The following RAB3C variants were observed in gnomAD, a reference collection of about 807,000 sequenced individuals.
RAB3C encodes the protein ras-related protein Rab-3C.
RAB3C carries 17 observed loss-of-function variants against 26.4 expected under a neutral mutation model. That is an observed-to-expected ratio of 0.64 (90% CI 0.44 to 0.97). RAB3C has a LOEUF of 0.97. Among genes scored for constraint, RAB3C ranks in the 50% least tolerant of loss-of-function variants. RAB3C has a pLI of 0.00. For missense variants in RAB3C, 242 were observed against 281.9 expected (o/e 0.86, Z 1.01); for synonymous variants, 91 against 95.9 (o/e 0.95, Z 0.30).
intron 3 of RAB3C, among the ~76,000 whole-genome samples, chr5:58,801,595 A>G (rs1438552908): frequency 6.6e-6 from 1 of 152,260 alleles, no homozygotes; most frequent in Non-Finnish European, 1.5e-5. Context: ...ATGGATAAGT[A>G]TGAAAATTAT....
At chr5:58,844,546 T>C (rs1421248128) in intron 4 of RAB3C, among the ~76,000 whole-genome samples, 1 of 152,232 alleles carries the variant, frequency 6.6e-6, no homozygotes, top group Non-Finnish European at 1.5e-5. Context: ...CAGTTTGTCC[T>C]GCTGCTCAGC....
At chr5:58,765,417 G>T (rs1346314508) in intron 3 of RAB3C, among the ~76,000 whole-genome samples, 1 of 152,010 alleles carries the variant, frequency 6.6e-6, no homozygotes, top group Non-Finnish European at 1.5e-5. Context: ...TAATTCTGTT[G>T]CCTATTTATG....
chr5:58,724,188 A>C (rs1054871058), intron 2 of RAB3C, among the ~76,000 whole-genome samples: 1 of 151,396 alleles, frequency 6.6e-6, no homozygotes, highest in Non-Finnish European at 1.5e-5. Context: ...AAAAGCTAGT[A>C]CTTGCCATTT....
chr5:58,842,887 A>G (rs1196508913), intron 4 of RAB3C, among the ~76,000 whole-genome samples: 1 of 151,600 alleles, frequency 6.6e-6, no homozygotes, highest in Non-Finnish European at 1.5e-5. Context: ...GGCAGATATT[A>G]GTACATATTA....
chr5:58,799,950 C>T (rs1304956683), intron 3 of RAB3C, among the ~76,000 whole-genome samples: 2 of 152,124 alleles, frequency 1.3e-5, no homozygotes, highest in East Asian at 3.8e-4. Flanking sequence ...AGTTGACTCC[C>T]TTTCTTCAAA....
At chr5:58,685,319 T>A (rs1445238608) in intron 2 of RAB3C, among the ~76,000 whole-genome samples, 4 of 152,098 alleles carry the variant, frequency 2.6e-5, no homozygotes, top group Admixed American at 1.3e-4. Flanking sequence ...CCAGGAAGAA[T>A]CTCCTGTCTT....
rs532361072 is a variant in RAB3C, at chr5:58,839,388, G to C, written c.497-11776G>C. 3.5e-3 allele frequency among the ~76,000 whole-genome samples: 396 copies of C among 111,766 alleles called. 3 individuals are homozygous for C. The highest frequency in any genetic ancestry group is 0.014 in the African/African-American group (356 of 25,868). The allele number at this position is 111,766 out of a possible 152,430, so 73.3% of individuals were successfully genotyped here. On this transcript the variant is annotated intron_variant, in intron 4 of 4. Coordinates refer to ENST00000282878, the MANE Select transcript of RAB3C (RefSeq NM_138453.4). ...TTATTTATTTATTTATTTATTTTTT[G>C]AGACAGAGTTTTGCTGTTGTTGCCC...
rs145819691 is a variant in RAB3C at position 58,641,865 on chromosome 5, AAG to A, written c.252+23998_252+23999del. On this transcript the variant is annotated intron_variant, in intron 2 of 4. Coordinates refer to ENST00000282878, the MANE Select transcript of RAB3C (RefSeq NM_138453.4). The stretch of plus-strand genomic sequence containing the variant: ...TTTTTCTCCACTTTTTGTTTTAAAA[AAG>A]AGTTATTATTTATGTTTTTTTGTGT... Among the ~76,000 whole-genome samples, 59 of 152,304 alleles carry A rather than the reference AAG, an allele frequency of 3.9e-4. 1 individual carries two copies. The East Asian group carries it at 0.01, about 26-fold the overall frequency.
intron 2 of RAB3C, among the ~76,000 whole-genome samples, chr5:58,695,981 G>A (rs545315820): frequency 6.6e-6 from 1 of 152,284 alleles, no homozygotes; most frequent in African/African-American, 2.4e-5. Flanking sequence ...TGGTGAGAGA[G>A]GGCATCCTTG....
chr5:58,691,875 G>C (rs1420679271), intron 2 of RAB3C, among the ~76,000 whole-genome samples: 1 of 152,172 alleles, frequency 6.6e-6, no homozygotes, highest in Admixed American at 6.5e-5. Context: ...TGGTCTTCTT[G>C]TTCTTTAATC....
chr5:58,745,998 T>C (rs576518329), intron 3 of RAB3C, among the ~76,000 whole-genome samples: 2 of 152,356 alleles, frequency 1.3e-5, no homozygotes, highest in African/African-American at 4.8e-5. Context: ...GTTTTCTTCT[T>C]ATCTAAACAG....
intron 2 of RAB3C, among the ~76,000 whole-genome samples, chr5:58,721,857 G>A (rs560995795): frequency 5.3e-4 from 81 of 151,746 alleles, no homozygotes; most frequent in Non-Finnish European, 1.0e-3. Context: ...CAATTAGATT[G>A]TATTTCTGGG....
chr5:58,745,719 A>T (rs1741389672), intron 3 of RAB3C, among the ~76,000 whole-genome samples: 1 of 152,194 alleles, frequency 6.6e-6, no homozygotes, highest in African/African-American at 2.4e-5. Context: ...TTGCCTCTTC[A>T]GGGCTCCCTC....
In RAB3C at chr5:58,859,106, T is replaced by C. The variant is rs1166003189; in HGVS notation, c.*7755T>C. The C allele has an allele frequency of 6.6e-6, 1 of 152,226 alleles. No individual in the cohort carries two copies. Among genetic ancestry groups the C allele is most frequent in the Non-Finnish European group, 1.5e-5 (1 of 68,044 alleles). 9.4% of individuals were successfully genotyped at this position (152,226 alleles called of 1,614,324 possible). A position where few individuals can be genotyped will look rare whatever the true frequency, so the allele number is the denominator to read the frequency against. ...TCTTAAGAAAATATTGAAAACAGCTTAATGCTTTCATATAGTGACCGACAT... is the reference window on the plus strand; with the variant it reads ...TCTTAAGAAAATATTGAAAACAGCTCAATGCTTTCATATAGTGACCGACAT... On this transcript the variant is annotated 3_prime_UTR_variant, in exon 5 of 5. Transcript: ENST00000282878.
intron 2 of RAB3C, among the ~76,000 whole-genome samples, chr5:58,671,782 A>G (rs1261128199): frequency 3.3e-5 from 5 of 152,236 alleles, no homozygotes; most frequent in African/African-American, 1.2e-4. Flanking sequence ...CTGATAGCCA[A>G]GATCTTTGCA....
intron 4 of RAB3C, among the ~76,000 whole-genome samples, chr5:58,830,901 C>A (rs1743598952): frequency 6.6e-6 from 1 of 151,550 alleles, no homozygotes; most frequent in African/African-American, 2.4e-5. Context: ...GAGATGGGAT[C>A]TTGCTCTGTT....
At chr5:58,726,249 G>C (rs971601290) in intron 3 of RAB3C, 129 bp downstream of exon 3, 12 of 500,742 alleles carry the variant, frequency 2.4e-5, no homozygotes, top group African/African-American at 2.2e-4. Flanking sequence ...TCCCGCTTGT[G>C]CTTCATTTAA....
At chr5:58,783,780 C>T (rs1035946947) in intron 3 of RAB3C, among the ~76,000 whole-genome samples, 2 of 152,176 alleles carry the variant, frequency 1.3e-5, no homozygotes, top group African/African-American at 4.8e-5. Flanking sequence ...TTTCCTTCCC[C>T]TTTATCCACA....
At position 58,819,957 on chromosome 5, in the gene RAB3C, G is replaced by A. The variant is rs376037818; in HGVS notation, c.372-5081G>A. Among the ~76,000 whole-genome samples the A allele has an allele frequency of 1.1e-4, 16 of 152,206 alleles. No individual in the cohort carries two copies. In the East Asian group the frequency reaches 2.7e-3, roughly 26 times the overall value. On this transcript the variant is annotated intron_variant, in intron 3 of 4. Transcript: ENST00000282878. ...AGACCAAATGTAGATTTCATTGCTC[G>A]TACATGCACTAACTTGGTCATAGCT...
Sources: gnomAD v4.1 joint callset for allele counts (sites outside exome capture counted in the v4.1 genomes callset) on GRCh38, gnomAD v4.1.1 for gene constraint, MANE v1.5 for transcripts, NCBI Gene and HGNC (gene_info 2026-07-23, HGNC 2026-07-21) for gene names.